Variants in MTREX observed in about 807,000 individuals in gnomAD.
MTREX encodes the protein exosome RNA helicase MTR4.
Under a neutral mutation model 135.4 loss-of-function variants are expected in MTREX, and 76 were observed. The observed-to-expected ratio is 0.56, with a 90% confidence interval of 0.47 to 0.68. The LOEUF (loss-of-function observed/expected upper bound fraction) is 0.68, where lower values mean the gene tolerates loss of function less well. MTREX is among the 30% of genes least tolerant of loss of function. The pLI is 0.00. For synonymous variants in MTREX, 404 were observed against 401.6 expected, an observed-to-expected ratio of 1.01 and a Z score of -0.07; for missense variants, 920 against 1,262.1, an observed-to-expected ratio of 0.73 and a Z score of 4.11.
At chr5:55,344,670 T>A in intron 9 of MTREX, 50 bp downstream of exon 9, 4 of 1,037,852 alleles carry the variant, frequency 3.9e-6, no homozygotes, top group Non-Finnish European at 5.7e-6. Context: ...ACTTTATTAT[T>A]AATATCTTGT....
intron 15 of MTREX, 139 bp from the exon 16 acceptor site, chr5:55,366,586 T>C: frequency 5.3e-6 from 3 of 564,042 alleles, no homozygotes; most frequent in Non-Finnish European, 8.4e-6. Flanking sequence ...TATTTTATAT[T>C]GGTTAACTAA....
chr5:55,371,799 A>C (rs769577131), intron 16 of MTREX, among the ~76,000 whole-genome samples: 3 of 152,158 alleles, frequency 2.0e-5, no homozygotes, highest in South Asian at 4.1e-4. Context: ...TTGTTTGTTT[A>C]ATATGGAGAA....
At chr5:55,395,842 T>G (rs1396744695) in intron 19 of MTREX, among the ~76,000 whole-genome samples, 2 of 152,118 alleles carry the variant, frequency 1.3e-5, no homozygotes, top group Non-Finnish European at 2.9e-5. Flanking sequence ...CACAGAAAAC[T>G]GGGGAACTGT....
At chr5:55,319,132 C>T (rs1012269484) in intron 1 of MTREX, among the ~76,000 whole-genome samples, 3 of 152,132 alleles carry the variant, frequency 2.0e-5, no homozygotes, top group African/African-American at 7.2e-5. Flanking sequence ...GCCCATTTAC[C>T]TCTAGATTTC....
intron 18 of MTREX, among the ~76,000 whole-genome samples, chr5:55,381,532 A>C (rs1310282754): frequency 1.3e-5 from 2 of 152,118 alleles, no homozygotes; most frequent in Non-Finnish European, 2.9e-5. Flanking sequence ...GTTATTTAGG[A>C]GAGTGTTAAT....
At chr5:55,339,949 G>A (rs1368973913) in intron 5 of MTREX, 61 bp from the exon 6 acceptor site, 1 of 1,287,222 alleles carries the variant, frequency 7.8e-7, no homozygotes, top group Non-Finnish European at 1.0e-6. Flanking sequence ...AATATTAACA[G>A]AATTTTTAAA....
chr5:55,362,577 T>A (rs1473375466), intron 15 of MTREX, among the ~76,000 whole-genome samples: 2 of 151,686 alleles, frequency 1.3e-5, no homozygotes, highest in African/African-American at 2.4e-5. Flanking sequence ...GCCAGGCTGG[T>A]CTTGAACTCC....
At chr5:55,354,478 G>A (rs982291282) in intron 14 of MTREX, among the ~76,000 whole-genome samples, 1 of 152,176 alleles carries the variant, frequency 6.6e-6, no homozygotes, top group Non-Finnish European at 1.5e-5. Context: ...CTCTCTGCTT[G>A]GAGAAGTTTC....
intron 21 of MTREX, among the ~76,000 whole-genome samples, chr5:55,400,741 C>G (rs1253161444): frequency 6.6e-6 from 1 of 152,168 alleles, no homozygotes; most frequent in Non-Finnish European, 1.5e-5. Context: ...CAGATACTTG[C>G]AACCATCACC....
chr5:55,397,143 A>G (rs1237327071), intron 19 of MTREX, among the ~76,000 whole-genome samples: 1 of 152,188 alleles, frequency 6.6e-6, no homozygotes, highest in Non-Finnish European at 1.5e-5. Context: ...AAATGAGTAA[A>G]GTGTGCATTC....
In MTREX at chr5:55,327,698, T is replaced by G. The variant is rs1427588396; in HGVS notation, c.340-18T>G. 2 of 1,604,702 alleles carry G rather than the reference T, an allele frequency of 1.2e-6. No homozygotes were observed. The highest frequency in any genetic ancestry group is 2.2e-5 in the East Asian group (1 of 44,728). ...AATAGTTGGTGAGGTTTTTTTTTCT[T>G]TTTTACTTTGTTGTCAGGTTGCACT... On this transcript the variant is annotated intron_variant, in intron 3 of 26. Coordinates refer to ENST00000230640, the MANE Select transcript of MTREX (RefSeq NM_015360.5).
In MTREX at chr5:55,355,289, C is replaced by G. The variant is rs192350336; in HGVS notation, c.1533+2020C>G. Among the ~76,000 whole-genome samples the G allele has an allele frequency of 1.3e-3, 204 of 152,254 alleles. 2 individuals carry two copies. In the Middle Eastern group the frequency reaches 0.024, roughly 18 times the overall value. On this transcript the variant is annotated intron_variant, in intron 14 of 26. Coordinates refer to ENST00000230640, the MANE Select transcript of MTREX (RefSeq NM_015360.5). The stretch of plus-strand genomic sequence containing the variant: ...CACTGTAGAAGAGGGAGCACTGGAG[C>G]CTGATGGAAAAGGGCTATGGGCCAT...
At chr5:55,340,952 T>G (rs1749639217) in intron 6 of MTREX, among the ~76,000 whole-genome samples, 1 of 152,216 alleles carries the variant, frequency 6.6e-6, no homozygotes. Flanking sequence ...GTTTTGCATA[T>G]ACTTAGAATA....
intron 10 of MTREX, 80 bp from the exon 11 acceptor site, chr5:55,346,933 G>A: frequency 1.7e-6 from 2 of 1,185,604 alleles, no homozygotes; most frequent in Non-Finnish European, 2.3e-6. Context: ...TCTCTTAAAA[G>A]TTTTATAGTT....
chr5:55,399,694 A>G (rs890488161), intron 20 of MTREX, among the ~76,000 whole-genome samples: 1 of 151,952 alleles, frequency 6.6e-6, no homozygotes, highest in Non-Finnish European at 1.5e-5. Flanking sequence ...TCACCGTGTT[A>G]GCCAGGATGG....
At chr5:55,362,974 G>T (rs1750041434) in intron 15 of MTREX, among the ~76,000 whole-genome samples, 2 of 152,054 alleles carry the variant, frequency 1.3e-5, no homozygotes, top group African/African-American at 4.8e-5. Flanking sequence ...TATAATTTCT[G>T]AAATTACTAA....
chr5:55,353,167 G>T lies in MTREX; in HGVS notation c.1432-1G>T. 6.3e-7 allele frequency: 1 copy of T among 1,580,070 alleles called. No homozygotes were observed. On this transcript the variant is annotated splice_acceptor_variant, in intron 13 of 26. Transcript: ENST00000230640. LOFTEE classifies it high-confidence loss of function. ...AATTATAGAATTACTTATTTACTTA[G>T]GCCTTATTTGCCACGGAGACCTTTG...
intron 15 of MTREX, 113 bp downstream of exon 15, chr5:55,358,811 T>A: frequency 1.3e-6 from 1 of 792,212 alleles, no homozygotes; most frequent in Non-Finnish European, 1.9e-6. Flanking sequence ...GTTAATATAC[T>A]GAAACTATCT....
chr5:55,404,608 G>C (rs561745339), intron 21 of MTREX, among the ~76,000 whole-genome samples: 12 of 152,210 alleles, frequency 7.9e-5, no homozygotes, highest in Non-Finnish European at 1.6e-4. Context: ...GAGCTGCTGG[G>C]ATTGGTACTT....
Sources: gnomAD v4.1 joint callset for allele counts (sites outside exome capture counted in the v4.1 genomes callset) on GRCh38, gnomAD v4.1.1 for gene constraint, MANE v1.5 for transcripts, NCBI Gene and HGNC (gene_info 2026-07-23, HGNC 2026-07-21) for gene names.